NSMCE2: variants seen among roughly 807,000 people sequenced by gnomAD.
NSMCE2 encodes E3 SUMO-protein ligase NSE2.
NSMCE2 carries 24 observed loss-of-function variants against 23.8 expected under a neutral mutation model. That is an observed-to-expected ratio of 1.01 (90% CI 0.73 to 1.42). The LOEUF is 1.42. NSMCE2 is among the 40% of genes most tolerant of loss of function. NSMCE2 has a pLI of 0.00. For missense variants in NSMCE2, 284 were observed against 296.5 expected, an observed-to-expected ratio of 0.96 and a Z score of 0.31; for synonymous variants, 92 against 94.1, an observed-to-expected ratio of 0.98 and a Z score of 0.13.
At chr8:125,350,367 T>C (rs1361651433) in intron 5 of NSMCE2, among the ~76,000 whole-genome samples, 2 of 152,044 alleles carry the variant, frequency 1.3e-5, no homozygotes, top group African/African-American at 4.8e-5. Flanking sequence ...GGAAGAGCAT[T>C]CCAGACAGGT....
chr8:125,092,224 A>G (rs1260958678), intron 1 of NSMCE2, among the ~76,000 whole-genome samples: 1 of 152,226 alleles, frequency 6.6e-6, no homozygotes, highest in African/African-American at 2.4e-5. Context: ...AAGTAAGGCC[A>G]CGGGAAGGTC....
rs548633196 is a variant in NSMCE2, at chr8:125,142,661, G to A, written c.158-8510G>A. 3.9e-5 allele frequency among the ~76,000 whole-genome samples: 6 copies of A among 151,936 alleles called. No individual in the cohort carries two copies. The South Asian group carries it at 1.2e-3, about 32-fold the overall frequency. On this transcript the variant is annotated intron_variant, in intron 3 of 7. Coordinates refer to ENST00000287437, the MANE Select transcript of NSMCE2 (RefSeq NM_173685.4). ...CCCTTGTTGCCCATGCTGGAGGACA[G>A]TGGTGCTATCTTGGCTCACCACAAC... is the stretch of plus-strand genomic sequence containing the variant.
At chr8:125,157,735 C>A (rs1821398955) in intron 4 of NSMCE2, among the ~76,000 whole-genome samples, 1 of 152,182 alleles carries the variant, frequency 6.6e-6, no homozygotes, top group Non-Finnish European at 1.5e-5. Flanking sequence ...TGATTTTCAC[C>A]GTTACCTCAT....
chr8:125,126,845 T>C (rs1031988434), intron 3 of NSMCE2: 3 of 152,242 alleles, frequency 2.0e-5, no homozygotes, highest in Middle Eastern at 3.2e-3. Flanking sequence ...ATTCTCACTT[T>C]ATTTAGGATT....
At chr8:125,289,735 C>T (rs1828036285) in intron 5 of NSMCE2, among the ~76,000 whole-genome samples, 1 of 152,178 alleles carries the variant, frequency 6.6e-6, no homozygotes, top group Admixed American at 6.5e-5. Context: ...GAATTTAAAG[C>T]TTAGGTTTTC....
intron 5 of NSMCE2, among the ~76,000 whole-genome samples, chr8:125,273,318 T>A (rs1309243309): frequency 6.6e-6 from 1 of 152,210 alleles, no homozygotes; most frequent in Non-Finnish European, 1.5e-5. Flanking sequence ...TTCCAAAACA[T>A]TATAGTCATG....
chr8:125,359,491 G>A (rs1472577960), intron 7 of NSMCE2, among the ~76,000 whole-genome samples: 3 of 151,794 alleles, frequency 2.0e-5, no homozygotes, highest in East Asian at 2.0e-4. Flanking sequence ...GCACCACCAC[G>A]CCCAGCTAAT....
At chr8:125,232,886 GTTA>G (rs1222210389) in intron 5 of NSMCE2, among the ~76,000 whole-genome samples, 1 of 152,202 alleles carries the variant, frequency 6.6e-6, no homozygotes, top group Non-Finnish European at 1.5e-5. Flanking sequence ...ATGTGAATGA[GTTA>G]TTCTCTGACA....
intron 5 of NSMCE2, among the ~76,000 whole-genome samples, chr8:125,237,757 A>G (rs373681301): frequency 2.0e-5 from 3 of 152,216 alleles, no homozygotes; most frequent in Non-Finnish European, 2.9e-5. Context: ...TGCAAGGCTT[A>G]TCAGGGTAAA....
intron 7 of NSMCE2, among the ~76,000 whole-genome samples, chr8:125,361,015 G>A (rs1230134625): frequency 1.3e-5 from 2 of 150,822 alleles, no homozygotes; most frequent in African/African-American, 4.9e-5. Context: ...AAATATATCT[G>A]TTAACAATAA....
intron 3 of NSMCE2, among the ~76,000 whole-genome samples, chr8:125,117,706 A>G (rs574213767): frequency 1.3e-5 from 2 of 151,968 alleles, no homozygotes; most frequent in African/African-American, 2.4e-5. Context: ...TTTAGAGACA[A>G]GGTCTTGCTA....
chr8:125,121,850 A>G (rs1009941230), intron 3 of NSMCE2, among the ~76,000 whole-genome samples: 2 of 152,212 alleles, frequency 1.3e-5, no homozygotes, highest in Non-Finnish European at 2.9e-5. Flanking sequence ...ACCAAGGACT[A>G]TATACTGTAT....
At chr8:125,096,861 C>T (rs1423164756) in intron 1 of NSMCE2, among the ~76,000 whole-genome samples, 7 of 152,064 alleles carry the variant, frequency 4.6e-5, no homozygotes, top group East Asian at 1.9e-4. Flanking sequence ...TCAACTGCCT[C>T]GGCCTCCCAA....
intron 5 of NSMCE2, among the ~76,000 whole-genome samples, chr8:125,347,377 A>G (rs1312135598): frequency 6.6e-6 from 1 of 152,068 alleles, no homozygotes; most frequent in Non-Finnish European, 1.5e-5. Context: ...ACCTTCTTCT[A>G]GGAGGCTCAC....
intron 4 of NSMCE2, among the ~76,000 whole-genome samples, chr8:125,162,986 G>A (rs997318028): frequency 2.6e-5 from 4 of 152,116 alleles, no homozygotes; most frequent in African/African-American, 9.7e-5. Flanking sequence ...TGTAGACTGG[G>A]CCTGCTTTGT....
intron 4 of NSMCE2, among the ~76,000 whole-genome samples, chr8:125,168,006 A>G (rs1231247293): frequency 6.6e-6 from 1 of 152,220 alleles, no homozygotes; most frequent in Non-Finnish European, 1.5e-5. Flanking sequence ...GGTCTCCTTA[A>G]TCATACAGTT....
chr8:125,259,760 T>A (rs773280314), intron 5 of NSMCE2, among the ~76,000 whole-genome samples: 6 of 152,214 alleles, frequency 3.9e-5, no homozygotes, highest in Non-Finnish European at 7.3e-5. Flanking sequence ...AAATGTTGGT[T>A]TCAACAACTC....
chr8:125,334,857 G>A (rs1355504795), intron 5 of NSMCE2, among the ~76,000 whole-genome samples: 7 of 122,304 alleles, frequency 5.7e-5, no homozygotes, highest in African/African-American at 2.2e-4. Flanking sequence ...CCAGGCTCAA[G>A]CAATCCTCCC....
At chr8:125,334,860 A>G (rs1258583830) in intron 5 of NSMCE2, among the ~76,000 whole-genome samples, 3 of 134,782 alleles carry the variant, frequency 2.2e-5, no homozygotes, top group Non-Finnish European at 4.5e-5. Flanking sequence ...GGCTCAAGCA[A>G]TCCTCCCACC....
Sources: gnomAD v4.1 joint callset for allele counts (sites outside exome capture counted in the v4.1 genomes callset) on GRCh38, gnomAD v4.1.1 for gene constraint, MANE v1.5 for transcripts, NCBI Gene and HGNC (gene_info 2026-07-23, HGNC 2026-07-21) for gene names.